The following PPP4R2 variants were observed in gnomAD, a reference collection of about 807,000 sequenced individuals.
PPP4R2 encodes the protein protein phosphatase 4 regulatory subunit 2.
PPP4R2 carries 13 observed loss-of-function variants against 47.2 expected under a neutral mutation model. That is an observed-to-expected ratio of 0.28 (90% CI 0.18 to 0.44). The LOEUF is 0.44. Among genes scored for constraint, PPP4R2 ranks in the 20% least tolerant of loss-of-function variants. The probability of loss-of-function intolerance (pLI) is 1.00; values close to 1 mark genes in which losing one functional copy is unlikely to be tolerated. For synonymous variants in PPP4R2, 151 were observed against 163.3 expected (o/e 0.92, Z 0.57); for missense variants, 421 against 491.2 (o/e 0.86, Z 1.35).
intron 2 of PPP4R2, among the ~76,000 whole-genome samples, chr3:73,038,136 G>C (rs960606497): frequency 2.6e-5 from 4 of 152,148 alleles, no homozygotes; most frequent in African/African-American, 9.7e-5. Context: ...GATTGTAGAG[G>C]GGGTGGTAAA....
rs1227217663 is a variant in PPP4R2 at position 73,047,191 on chromosome 3, A to G, written c.122A>G (p.Gln41Arg). The change falls in exon 3 of 9, where the codon CAG becomes CGG. Residue 41 changes from glutamine to arginine, a missense_variant. By Grantham distance (43) the Gln-to-Arg change is conservative (BLOSUM62 1). Around this residue, in one of 2 missense-constraint regions of PPP4R2, gnomAD observed 104 missense variants for 203.7 expected, o/e 0.51. Transcript: ENST00000356692. ...TTTTAATTTTTTGCTTATAGGATTC[A>G]GTGGTCCCAATTTAAAGGCTATTTT... ...HVAKTGETMI[Q>R]WSQFKGYFIF... 1 of 1,538,908 alleles carries G rather than the reference A, an allele frequency of 6.5e-7. No individual in the cohort carries two copies. Among genetic ancestry groups the G allele is most frequent in the African/African-American group, 1.4e-5 (1 of 72,318 alleles).
At chr3:73,023,857 T>G (rs1166092936) in intron 2 of PPP4R2, among the ~76,000 whole-genome samples, 2 of 152,202 alleles carry the variant, frequency 1.3e-5, no homozygotes, top group Non-Finnish European at 2.9e-5. Context: ...TTTTCAGGTA[T>G]AATATACTTG....
chr3:73,067,085 C>T lies in PPP4R2; in HGVS notation c.*1363C>T, dbSNP rs1703011741. ...TAGATTTTGTAGAATGTAATGTGTT[C>T]ACTGCCTTTGTGAAGCGGTATATAA... On this transcript the variant is annotated 3_prime_UTR_variant, in exon 9 of 9. Transcript: ENST00000356692. 1 of 152,028 alleles carries T rather than the reference C, an allele frequency of 6.6e-6. No individual in the cohort carries two copies. The highest frequency in any genetic ancestry group is 1.5e-5 in the Non-Finnish European group (1 of 67,954). 9.4% of individuals were successfully genotyped at this position (152,028 alleles called of 1,614,324 possible). A position where few individuals can be genotyped will look rare whatever the true frequency, so the allele number is the denominator to read the frequency against.
Position 72,996,869 on chromosome 3 carries a change from T to TTGCTCTCTCG in PPP4R2, c.-168_-159dup. On this transcript the variant is annotated 5_prime_UTR_variant, in exon 1 of 9. Coordinates refer to ENST00000356692, the MANE Select transcript of PPP4R2 (RefSeq NM_174907.4). ...TGGGGAGGTGCTCGCTCTGTCGGTCTTGCTCTCTCGCACGCTTCCCCCGGC... is the reference window on the plus strand; with the variant it reads ...TGGGGAGGTGCTCGCTCTGTCGGTCTTGCTCTCTCGTGCTCTCTCGCACGCTTCCCCCGGC... 2.4e-6 allele frequency: 1 copy of TTGCTCTCTCG among 422,212 alleles called. No individual in the cohort carries two copies. The highest frequency in any genetic ancestry group is 4.2e-6 in the Non-Finnish European group (1 of 237,482). The allele number at this position is 422,212 out of a possible 1,614,324, so 26.2% of individuals were successfully genotyped here. A position where few individuals can be genotyped will look rare whatever the true frequency, so the allele number is the denominator to read the frequency against.
intron 2 of PPP4R2, among the ~76,000 whole-genome samples, chr3:73,021,257 G>A (rs983256891): frequency 6.1e-5 from 9 of 147,444 alleles, no homozygotes; most frequent in African/African-American, 2.3e-4. Flanking sequence ...TTTTGTAACA[G>A]GATCTTACTG....
At chr3:73,015,479 GTCTTT>G (rs1168782814) in intron 2 of PPP4R2, among the ~76,000 whole-genome samples, 1 of 123,356 alleles carries the variant, frequency 8.1e-6, no homozygotes, top group Non-Finnish European at 1.7e-5. Context: ...CCAGCCTACT[GTCTTT>G]TTTTTTTTTT....
intron 2 of PPP4R2, among the ~76,000 whole-genome samples, chr3:73,013,302 T>A (rs1237340414): frequency 6.6e-6 from 1 of 152,238 alleles, no homozygotes; most frequent in Non-Finnish European, 1.5e-5. Flanking sequence ...TATCTTGATA[T>A]ATGCTTTTTC....
intron 2 of PPP4R2, among the ~76,000 whole-genome samples, chr3:73,008,405 A>T (rs1259692139): frequency 6.6e-6 from 1 of 152,338 alleles, no homozygotes; most frequent in South Asian, 2.1e-4. Flanking sequence ...AGGCACGCCA[A>T]CTTTCTGAGT....
chr3:73,004,363 C>G (rs1364804437), intron 2 of PPP4R2, among the ~76,000 whole-genome samples: 1 of 152,158 alleles, frequency 6.6e-6, no homozygotes, highest in Non-Finnish European at 1.5e-5. Context: ...TCTTGAAGGT[C>G]ACTTTGGCTG....
chr3:73,025,316 C>T (rs1160557541), intron 2 of PPP4R2, among the ~76,000 whole-genome samples: 1 of 152,168 alleles, frequency 6.6e-6, no homozygotes, highest in Non-Finnish European at 1.5e-5. Flanking sequence ...GTGGGAATCA[C>T]CTTCTGACCT....
intron 2 of PPP4R2, among the ~76,000 whole-genome samples, chr3:73,017,211 G>A (rs531078597): frequency 1.3e-5 from 2 of 152,136 alleles, no homozygotes; most frequent in Non-Finnish European, 2.9e-5. Context: ...CAGCCACTGT[G>A]CCCAGCCAGG....
chr3:73,032,522 T>C (rs1318827472), intron 2 of PPP4R2, among the ~76,000 whole-genome samples: 2 of 152,114 alleles, frequency 1.3e-5, no homozygotes, highest in Admixed American at 6.6e-5. Flanking sequence ...TTCCTGACCT[T>C]GTGATCTGCC....
chr3:73,029,246 TAC>T (rs1224765701), intron 2 of PPP4R2, among the ~76,000 whole-genome samples: 2 of 152,226 alleles, frequency 1.3e-5, no homozygotes, highest in Non-Finnish European at 2.9e-5. Context: ...TGGCTAGTAT[TAC>T]AGAGTTTTGA....
chr3:73,006,608 AC>A (rs1701615080), intron 2 of PPP4R2, among the ~76,000 whole-genome samples: 2 of 151,480 alleles, frequency 1.3e-5, no homozygotes, highest in Admixed American at 6.6e-5. Context: ...TTTTTTTTGA[AC>A]CTTGTCTTCA....
intron 2 of PPP4R2, among the ~76,000 whole-genome samples, chr3:73,036,270 G>T (rs1702259932): frequency 6.6e-6 from 1 of 152,180 alleles, no homozygotes; most frequent in Non-Finnish European, 1.5e-5. Context: ...GGAATGAATA[G>T]AAATTGGTTA....
chr3:73,021,780 G>T (rs1290579717), intron 2 of PPP4R2, among the ~76,000 whole-genome samples: 1 of 151,698 alleles, frequency 6.6e-6, no homozygotes, highest in Non-Finnish European at 1.5e-5. Flanking sequence ...GGGTGCTGTG[G>T]TGAGCAAACC....
intron 3 of PPP4R2, among the ~76,000 whole-genome samples, chr3:73,058,324 T>TAA (rs1333536191): frequency 4.6e-5 from 7 of 152,076 alleles, no homozygotes; most frequent in Non-Finnish European, 7.4e-5. Flanking sequence ...AAAGAAACCT[T>TAA]TGAGTGCAGA....
chr3:73,004,693 C>CT (rs1263457371), intron 2 of PPP4R2, among the ~76,000 whole-genome samples: 1 of 152,148 alleles, frequency 6.6e-6, no homozygotes, highest in Non-Finnish European at 1.5e-5. Flanking sequence ...GATCTGCCCA[C>CT]TTTGTTGGCC....
chr3:73,053,525 G>A (rs774862117), intron 3 of PPP4R2, among the ~76,000 whole-genome samples: 4 of 152,144 alleles, frequency 2.6e-5, no homozygotes, highest in Non-Finnish European at 5.9e-5. Flanking sequence ...TTTATTAAAA[G>A]CTTTGACAAT....
Sources: gnomAD v4.1 joint callset for allele counts (sites outside exome capture counted in the v4.1 genomes callset) on GRCh38, gnomAD v4.1.1 for gene constraint, gnomAD v4.1.1 regional missense constraint, MANE v1.5 for transcripts, NCBI Gene and HGNC (gene_info 2026-07-23, HGNC 2026-07-21) for gene names.